VAC14: variants seen among roughly 807,000 people sequenced by gnomAD.
VAC14 encodes protein VAC14 homolog.
In VAC14, 47 loss-of-function variants were observed where a neutral mutation model predicts 85.3. That is an observed-to-expected ratio of 0.55 (90% CI 0.44 to 0.70). VAC14 has a LOEUF of 0.70. VAC14 is among the 30% of genes least tolerant of loss of function. VAC14 has a pLI of 0.00. For missense variants in VAC14, 861 were observed against 1,004.3 expected (o/e 0.86, Z 1.93); for synonymous variants, 447 against 430.5 (o/e 1.04, Z -0.47).
chr16:70,736,123 T>G (rs975771163), intron 13 of VAC14, among the ~76,000 whole-genome samples: 1 of 151,980 alleles, frequency 6.6e-6, no homozygotes, highest in South Asian at 2.1e-4. Context: ...TGGGGAGAGG[T>G]GCGGGGCCGT....
chr16:70,713,546 G>C (rs986549521), intron 14 of VAC14, among the ~76,000 whole-genome samples: 1 of 152,212 alleles, frequency 6.6e-6, no homozygotes, highest in East Asian at 1.9e-4. Context: ...ACGTGGAAGA[G>C]GGCAGGCTTG....
chr16:70,720,443 T>C (rs772464725), intron 14 of VAC14, among the ~76,000 whole-genome samples: 1 of 151,998 alleles, frequency 6.6e-6, no homozygotes, highest in Non-Finnish European at 1.5e-5. Flanking sequence ...TGCTGAAGCA[T>C]GTGTTATGTG....
intron 14 of VAC14, among the ~76,000 whole-genome samples, chr16:70,730,143 G>A (rs913449991): frequency 7.3e-5 from 11 of 151,670 alleles, no homozygotes; most frequent in Non-Finnish European, 1.2e-4. Flanking sequence ...ACTCAGTCTC[G>A]AATCCTCATT....
At chr16:70,761,234 G>A (rs936908722) in intron 12 of VAC14, 24 of 454,898 alleles carry the variant, frequency 5.3e-5, no homozygotes, top group African/African-American at 4.6e-4. Flanking sequence ...AGGGAAGACT[G>A]AGGAGCCTCA....
At chr16:70,771,345 C>A (rs888196653) in intron 10 of VAC14, 1 of 152,276 alleles carries the variant, frequency 6.6e-6, no homozygotes, top group South Asian at 2.1e-4. Flanking sequence ...TATCCTTAAT[C>A]TTGGACATGA....
At chr16:70,689,603 G>A (rs769904943) in intron 18 of VAC14, 9 of 985,490 alleles carry the variant, frequency 9.1e-6, no homozygotes, top group Admixed American at 6.1e-5. Flanking sequence ...TTCCCTTCCC[G>A]CCTCCCTGCT....
intron 14 of VAC14, among the ~76,000 whole-genome samples, chr16:70,727,367 T>A (rs1416002296): frequency 1.3e-5 from 2 of 152,174 alleles, no homozygotes; most frequent in Non-Finnish European, 1.5e-5. Context: ...TGAGACGAAG[T>A]CTTGCTCTGT....
chr16:70,777,253 G>A (rs1399158162), intron 9 of VAC14, among the ~76,000 whole-genome samples: 2 of 152,200 alleles, frequency 1.3e-5, no homozygotes, highest in Non-Finnish European at 2.9e-5. Context: ...CCATAAACAT[G>A]TATTAAAACA....
At chr16:70,738,792 G>C (rs1035936771) in intron 13 of VAC14, among the ~76,000 whole-genome samples, 2 of 152,240 alleles carry the variant, frequency 1.3e-5, no homozygotes, top group South Asian at 2.1e-4. Context: ...TCCGGGGTAA[G>C]TAAACTTGGC....
At chr16:70,726,560 CACAG>C (rs1335440466) in intron 14 of VAC14, among the ~76,000 whole-genome samples, 3 of 152,230 alleles carry the variant, frequency 2.0e-5, no homozygotes, top group Non-Finnish European at 1.5e-5. Context: ...ATCGCTGCGT[CACAG>C]ACAAAGCAGA....
At chr16:70,788,727 C>A (rs1222593940) in intron 1 of VAC14, among the ~76,000 whole-genome samples, 1 of 152,158 alleles carries the variant, frequency 6.6e-6, no homozygotes, top group Non-Finnish European at 1.5e-5. Flanking sequence ...TTCTCGCCTG[C>A]CATGCGGGCG....
At chr16:70,707,185 G>GA (rs1217328971) in intron 14 of VAC14, among the ~76,000 whole-genome samples, 1 of 152,226 alleles carries the variant, frequency 6.6e-6, no homozygotes, top group Non-Finnish European at 1.5e-5. Context: ...TTCCAAGTAT[G>GA]AAAACTGTAA....
At chr16:70,728,359 C>T (rs1285046379) in intron 14 of VAC14, among the ~76,000 whole-genome samples, 1 of 152,202 alleles carries the variant, frequency 6.6e-6, no homozygotes, top group Non-Finnish European at 1.5e-5. Context: ...ACAGAAGGGA[C>T]AAAGTGGCGG....
At chr16:70,749,055 A>G (rs1019269021) in intron 12 of VAC14, among the ~76,000 whole-genome samples, 16 of 152,234 alleles carry the variant, frequency 1.1e-4, no homozygotes, top group African/African-American at 3.9e-4. Flanking sequence ...TGCGCAATGG[A>G]GATTTGACCT....
At chr16:70,729,101 G>A (rs1326284551) in intron 14 of VAC14, among the ~76,000 whole-genome samples, 2 of 152,182 alleles carry the variant, frequency 1.3e-5, no homozygotes, top group African/African-American at 4.8e-5. Flanking sequence ...GGGACCTCTG[G>A]CAATGTTTAG....
intron 12 of VAC14, among the ~76,000 whole-genome samples, chr16:70,752,306 C>A (rs1052134746): frequency 2.0e-5 from 3 of 152,230 alleles, no homozygotes; most frequent in African/African-American, 7.2e-5. Context: ...AACACTCTAG[C>A]GGCCATTCCT....
intron 12 of VAC14, among the ~76,000 whole-genome samples, chr16:70,748,116 A>G (rs1488915129): frequency 2.0e-5 from 3 of 149,324 alleles, no homozygotes; most frequent in African/African-American, 7.8e-5. Context: ...GTCCACCTCA[A>G]ACCCAGCTCT....
chr16:70,800,569 G>A (rs1033606928), intron 1 of VAC14, among the ~76,000 whole-genome samples: 1 of 152,212 alleles, frequency 6.6e-6, no homozygotes, highest in Non-Finnish European at 1.5e-5. Flanking sequence ...TCTCACTGCA[G>A]CCCTTTGTGG....
At chr16:70,774,990 G>A (rs908775255) in intron 9 of VAC14, among the ~76,000 whole-genome samples, 1 of 151,964 alleles carries the variant, frequency 6.6e-6, no homozygotes, top group African/African-American at 2.4e-5. Context: ...GACCTCAAGT[G>A]ATTGATCCAC....
Sources: gnomAD v4.1 joint callset for allele counts (sites outside exome capture counted in the v4.1 genomes callset) on GRCh38, gnomAD v4.1.1 for gene constraint, MANE v1.5 for transcripts, NCBI Gene and HGNC (gene_info 2026-07-23, HGNC 2026-07-21) for gene names.